Variants in SLC4A5 observed in about 807,000 individuals in gnomAD.
The protein encoded by SLC4A5 is electrogenic sodium bicarbonate cotransporter 4.
SLC4A5 carries 96 observed loss-of-function variants against 120.4 expected under a neutral mutation model. The observed-to-expected ratio is 0.80, with a 90% CI of 0.68 to 0.94. The LOEUF (loss-of-function observed/expected upper bound fraction) is 0.94. Ranked by LOEUF, SLC4A5 falls within the 40% of genes least tolerant of loss-of-function variation. The pLI, the probability that SLC4A5 is intolerant of heterozygous loss-of-function variation, is 0.00. For synonymous variants in SLC4A5, 550 were observed against 571.1 expected (o/e 0.96, Z 0.53); for missense variants, 1,259 against 1,459.5 (o/e 0.86, Z 2.24).
chr2:74,284,048 A>C (rs1671898124), intron 8 of SLC4A5, among the ~76,000 whole-genome samples: 1 of 150,252 alleles, frequency 6.7e-6, no homozygotes, highest in Admixed American at 6.6e-5. Flanking sequence ...AGGTCTTCCT[A>C]TGTTGTCCAG....
intron 30 of SLC4A5, among the ~76,000 whole-genome samples, chr2:74,219,522 G>C (rs562388414): frequency 6.6e-6 from 1 of 152,238 alleles, no homozygotes; most frequent in African/African-American, 2.4e-5. Context: ...TTGCTATTTA[G>C]TGATCTTTGC....
At chr2:74,280,372 C>G (rs1352342156) in intron 8 of SLC4A5, among the ~76,000 whole-genome samples, 1 of 152,154 alleles carries the variant, frequency 6.6e-6, no homozygotes, top group East Asian at 1.9e-4. Flanking sequence ...GCCCCCATTA[C>G]CAAATGCCCC....
intron 7 of SLC4A5, among the ~76,000 whole-genome samples, chr2:74,288,394 T>C (rs952891530): frequency 6.6e-6 from 1 of 152,154 alleles, no homozygotes; most frequent in Non-Finnish European, 1.5e-5. Flanking sequence ...GTCAAACCAA[T>C]AAGCTAATAA....
intron 7 of SLC4A5, among the ~76,000 whole-genome samples, chr2:74,297,292 T>C (rs1168609766): frequency 6.6e-6 from 1 of 152,220 alleles, no homozygotes; most frequent in Non-Finnish European, 1.5e-5. Context: ...GTGAGGTATC[T>C]AATATCTATT....
intron 21 of SLC4A5, among the ~76,000 whole-genome samples, chr2:74,237,599 A>AT (rs1670307805): frequency 6.6e-6 from 1 of 152,148 alleles, no homozygotes; most frequent in East Asian, 1.9e-4. Flanking sequence ...TATTTCAAAG[A>AT]TTTTATCATT....
intron 8 of SLC4A5, among the ~76,000 whole-genome samples, chr2:74,265,938 G>A (rs1463500772): frequency 6.6e-6 from 1 of 152,126 alleles, no homozygotes; most frequent in Non-Finnish European, 1.5e-5. Context: ...ATAGTGCCAG[G>A]GGAGCAAGGA....
intron 4 of SLC4A5, among the ~76,000 whole-genome samples, chr2:74,330,680 TGGTTTA>T (rs1185047341): frequency 7.0e-6 from 1 of 142,050 alleles, no homozygotes; most frequent in African/African-American, 2.7e-5. Flanking sequence ...TGGAGGTGTG[TGGTTTA>T]GGTGTAGGTG....
intron 27 of SLC4A5, 42 bp from the exon 28 acceptor site, chr2:74,225,037 A>C: frequency 6.3e-7 from 1 of 1,589,418 alleles, no homozygotes; most frequent in Non-Finnish European, 8.6e-7. Flanking sequence ...AATTTGGAGA[A>C]AACTGTGGTC....
chr2:74,291,959 G>GATC (rs1672185804), intron 7 of SLC4A5, among the ~76,000 whole-genome samples: 1 of 152,042 alleles, frequency 6.6e-6, no homozygotes, highest in Admixed American at 6.5e-5. Flanking sequence ...GATGGCCAAG[G>GATC]ATCCCAAAAA....
chr2:74,290,815 C>T (rs1460003113), intron 7 of SLC4A5: 4 of 950,664 alleles, frequency 4.2e-6, no homozygotes, highest in Non-Finnish European at 5.0e-6. Context: ...GGCAAAACTG[C>T]CCCTTTACCC....
intron 23 of SLC4A5, 46 bp from the exon 24 acceptor site, chr2:74,232,693 T>C (rs1326766633): frequency 6.3e-7 from 1 of 1,597,932 alleles, no homozygotes. Context: ...GGGGAGCCAG[T>C]TCCTCCTGGA....
intron 6 of SLC4A5, among the ~76,000 whole-genome samples, chr2:74,305,284 C>T (rs1016008848): frequency 6.6e-6 from 1 of 152,086 alleles, no homozygotes; most frequent in Non-Finnish European, 1.5e-5. Context: ...GCTGGAATTC[C>T]CTCACCTCTC....
intron 21 of SLC4A5, 109 bp downstream of exon 21, chr2:74,239,226 T>C: frequency 3.0e-6 from 3 of 1,005,974 alleles, no homozygotes; most frequent in South Asian, 1.5e-5. Context: ...AAAACCCCAG[T>C]GGGCCAGTGC....
At chr2:74,231,115 G>A (rs1670065769) in intron 25 of SLC4A5, 121 bp downstream of exon 25, 2 of 868,748 alleles carry the variant, frequency 2.3e-6, no homozygotes, top group East Asian at 2.6e-5. Context: ...CCAAGACTGT[G>A]CCTTTCTTAG....
intron 5 of SLC4A5, among the ~76,000 whole-genome samples, chr2:74,318,401 T>G (rs1673017615): frequency 6.6e-6 from 1 of 152,164 alleles, no homozygotes; most frequent in South Asian, 2.1e-4. Context: ...TTAAAAAGTC[T>G]AGGCCTGGCG....
At chr2:74,313,147 G>A (rs1159771301) in intron 6 of SLC4A5, among the ~76,000 whole-genome samples, 2 of 150,608 alleles carry the variant, frequency 1.3e-5, no homozygotes, top group East Asian at 1.9e-4. Context: ...TGTCTCCTGG[G>A]TAGCTTGGAC....
intron 10 of SLC4A5, 93 bp from the exon 11 acceptor site, chr2:74,262,325 G>T: frequency 3.4e-6 from 3 of 876,964 alleles, no homozygotes; most frequent in Non-Finnish European, 5.3e-6. Flanking sequence ...ATAAAACTGG[G>T]TGGCAAGACA....
In SLC4A5 at chr2:74,250,458, A is replaced by G; in HGVS notation, c.1538T>C (p.Phe513Ser). Reference sequence around the variant, plus strand: ...GGACTGAATGTGGAAGCCATCATAGAAGTCACTTGGGAACCAGGGCAACTT... The same window carrying G: ...GGACTGAATGTGGAAGCCATCATAGGAGTCACTTGGGAACCAGGGCAACTT... Residue 513 changes from phenylalanine (F) to serine (S), a missense_variant, in exon 17 of 31, where the codon TTC becomes TCC. Physicochemically the swap from Phe to Ser is radical, Grantham distance 155. Coordinates refer to ENST00000394019, the Ensembl canonical transcript of SLC4A5. The G allele has an allele frequency of 1.2e-6, 2 of 1,614,238 alleles. 1 individual carries two copies. Among genetic ancestry groups the G allele is most frequent in the Middle Eastern group, 3.3e-4 (2 of 6,062 alleles).
At chr2:74,290,325 C>T in intron 7 of SLC4A5, 1 of 985,520 alleles carries the variant, frequency 1.0e-6, no homozygotes, top group Non-Finnish European at 1.2e-6. Context: ...CTGCTGCCTC[C>T]CTGGCTGCTA....
Sources: gnomAD v4.1 joint callset for allele counts (sites outside exome capture counted in the v4.1 genomes callset) on GRCh38, gnomAD v4.1.1 for gene constraint, MANE v1.5 for transcripts, NCBI Gene and HGNC (gene_info 2026-07-23, HGNC 2026-07-21) for gene names.